Variants in PCDH15 observed in about 807,000 individuals in gnomAD.
PCDH15 encodes the protein protocadherin related 15, also known as protocadherin-15.
In PCDH15, 129 loss-of-function variants were observed where a neutral mutation model predicts 178.5. That is an observed-to-expected ratio of 0.72 (90% confidence interval 0.63 to 0.84). The LOEUF is 0.84. Ranked by LOEUF, PCDH15 falls within the 40% of genes least tolerant of loss-of-function variation. The probability of loss-of-function intolerance (pLI) is 0.00; values close to 1 mark genes in which losing one functional copy is unlikely to be tolerated. For missense variants in PCDH15, 2,230 were observed against 2,099.9 expected, an observed-to-expected ratio of 1.06 and a Z score of -1.21; for synonymous variants, 800 against 732.0, an observed-to-expected ratio of 1.09 and a Z score of -1.50.
At chr10:55,618,038 TATTTCTAATAACTGCTTTC>T (rs1258434189) in intron 2 of PCDH15, among the ~76,000 whole-genome samples, 1 of 152,038 alleles carries the variant, frequency 6.6e-6, no homozygotes, top group African/African-American at 2.4e-5. Flanking sequence ...GAAATACAAT[TATTTCTAATAACTGCTTTC>T]ATTTCAAACA....
chr10:54,774,306 G>A (rs1357290761), intron 1 of PCDH15, among the ~76,000 whole-genome samples: 2 of 151,944 alleles, frequency 1.3e-5, no homozygotes, highest in Admixed American at 6.6e-5. Flanking sequence ...GCGATTACAG[G>A]CTTGAGCCAC....
intron 2 of PCDH15, among the ~76,000 whole-genome samples, chr10:55,440,639 T>G (rs552377123): frequency 6.6e-6 from 1 of 152,242 alleles, no homozygotes; most frequent in East Asian, 1.9e-4. Flanking sequence ...CTGTAAAAAT[T>G]GATCATATGA....
At chr10:55,480,047 T>C (rs1295108854) in intron 2 of PCDH15, among the ~76,000 whole-genome samples, 1 of 151,706 alleles carries the variant, frequency 6.6e-6, no homozygotes, top group Non-Finnish European at 1.5e-5. Context: ...ATGTCAATGG[T>C]AGTTTAATGA....
chr10:54,978,348 A>G (rs1299401210), intron 2 of PCDH15, among the ~76,000 whole-genome samples: 2 of 152,112 alleles, frequency 1.3e-5, no homozygotes, highest in Non-Finnish European at 2.9e-5. Context: ...ATGTATTATA[A>G]CTGGTAAAAA....
chr10:55,300,972 T>G (rs1462535017), intron 1 of PCDH15, among the ~76,000 whole-genome samples: 1 of 152,186 alleles, frequency 6.6e-6, no homozygotes, highest in Admixed American at 6.6e-5. Context: ...CACATCTACA[T>G]GGTATCATAA....
chr10:54,467,726 T>C (rs570999588), intron 3 of PCDH15, among the ~76,000 whole-genome samples: 188 of 147,766 alleles, frequency 1.3e-3, no homozygotes, highest in South Asian at 6.3e-3. Flanking sequence ...ATATTTAAAA[T>C]AATGTCAGGA....
At chr10:54,644,582 T>C (rs958173751) in intron 2 of PCDH15, among the ~76,000 whole-genome samples, 5 of 152,106 alleles carry the variant, frequency 3.3e-5, no homozygotes, top group African/African-American at 7.2e-5. Flanking sequence ...TTCCAGTTAC[T>C]TGTCTTAGCA....
chr10:54,216,884 G>A (rs982621727), intron 9 of PCDH15, among the ~76,000 whole-genome samples: 1 of 152,036 alleles, frequency 6.6e-6, no homozygotes, highest in Non-Finnish European at 1.5e-5. Context: ...ACATCCTAAA[G>A]CAGATGATAA....
intron 2 of PCDH15, among the ~76,000 whole-genome samples, chr10:55,356,814 T>C (rs1394303623): frequency 1.3e-5 from 2 of 151,980 alleles, no homozygotes; most frequent in Admixed American, 6.6e-5. Flanking sequence ...GATTACATCA[T>C]TTGTAGTAGA....
At chr10:53,872,088 C>G (rs1287520267) in intron 26 of PCDH15, among the ~76,000 whole-genome samples, 1 of 152,186 alleles carries the variant, frequency 6.6e-6, no homozygotes, top group African/African-American at 2.4e-5. Context: ...AGTACACACT[C>G]TACCCCTCCT....
chr10:54,781,864 T>C (rs1267107807), intron 1 of PCDH15, among the ~76,000 whole-genome samples: 1 of 152,150 alleles, frequency 6.6e-6, no homozygotes, highest in Non-Finnish European at 1.5e-5. Context: ...GGTTCCTGCT[T>C]TCAATTACCT....
chr10:55,195,194 T>C (rs1394228387), intron 1 of PCDH15, among the ~76,000 whole-genome samples: 1 of 151,756 alleles, frequency 6.6e-6, no homozygotes, highest in African/African-American at 2.4e-5. Flanking sequence ...TGGCTAACTT[T>C]TGTATTTTTA....
chr10:53,823,530 CA>C, intron 32 of PCDH15: 3 of 767,528 alleles, frequency 3.9e-6, no homozygotes, highest in Non-Finnish European at 7.1e-6. Flanking sequence ...CTTAGAAAGG[CA>C]GGGCAGAAAA....
At chr10:54,034,646 A>G (rs1197533536) in intron 18 of PCDH15, among the ~76,000 whole-genome samples, 1 of 134,052 alleles carries the variant, frequency 7.5e-6, no homozygotes, top group African/African-American at 2.6e-5. Context: ...AGATGTACAC[A>G]ATGTGAAACT....
At chr10:55,385,701 A>ATATATATATG (rs1330687240) in intron 2 of PCDH15, among the ~76,000 whole-genome samples, 2 of 145,812 alleles carry the variant, frequency 1.4e-5, no homozygotes. Flanking sequence ...GCCTATATAT[A>ATATATATATG]TATATATATA....
intron 2 of PCDH15, among the ~76,000 whole-genome samples, chr10:55,406,113 T>C (rs1435564366): frequency 1.3e-5 from 2 of 150,148 alleles, no homozygotes; most frequent in African/African-American, 4.9e-5. Context: ...AATATGTTCA[T>C]GTAATGGAAA....
intron 7 of PCDH15, among the ~76,000 whole-genome samples, chr10:54,320,790 C>T (rs137930423): frequency 5.9e-5 from 9 of 151,890 alleles, no homozygotes; most frequent in South Asian, 2.1e-4. Flanking sequence ...GACATGTTTC[C>T]TCATCCCATT....
intron 3 of PCDH15, among the ~76,000 whole-genome samples, chr10:54,388,639 G>A (rs549189240): frequency 2.0e-5 from 3 of 152,268 alleles, no homozygotes; most frequent in African/African-American, 4.8e-5. Context: ...GGTAGGCATT[G>A]TAGTAACATT....
At chr10:54,003,541 C>G (rs1474614350) in intron 20 of PCDH15, among the ~76,000 whole-genome samples, 8 of 151,594 alleles carry the variant, frequency 5.3e-5, no homozygotes, top group African/African-American at 1.5e-4. Flanking sequence ...CACACACAAC[C>G]CATCAAGATT....
Sources: allele counts gnomAD v4.1 joint callset (sites outside exome capture counted in the v4.1 genomes callset), GRCh38; gene constraint gnomAD v4.1.1; transcripts MANE v1.5; gene names NCBI Gene and HGNC (gene_info 2026-07-23, HGNC 2026-07-21).